The following DOCK8 variants were observed in gnomAD, a reference collection of about 807,000 sequenced individuals.
The protein encoded by DOCK8 is dedicator of cytokinesis protein 8.
In DOCK8, 141 loss-of-function variants were observed where a neutral mutation model predicts 245.6. The ratio of observed to expected loss-of-function variants is 0.57; its 90% CI spans 0.50 to 0.66. DOCK8 has a LOEUF of 0.66. Ranked by LOEUF, DOCK8 falls within the 30% of genes least tolerant of loss-of-function variation. The pLI is 0.00. For missense variants in DOCK8, 2,965 were observed against 2,603.4 expected, an observed-to-expected ratio of 1.14 and a Z score of -3.02; for synonymous variants, 1,168 against 970.2, an observed-to-expected ratio of 1.20 and a Z score of -3.79.
At chr9:300,625 T>C (rs1187923785) in intron 4 of DOCK8, among the ~76,000 whole-genome samples, 1 of 148,176 alleles carries the variant, frequency 6.7e-6, no homozygotes, top group Non-Finnish European at 1.5e-5. Flanking sequence ...AGAGAGAAGA[T>C]CGATCCAAAT....
chr9:421,323 C>T (rs1458780092), intron 32 of DOCK8, among the ~76,000 whole-genome samples: 1 of 152,150 alleles, frequency 6.6e-6, no homozygotes, highest in Non-Finnish European at 1.5e-5. Context: ...TTAATTAAAA[C>T]TCGTTGATGG....
At chr9:307,989 G>T (rs1323537054) in intron 5 of DOCK8, among the ~76,000 whole-genome samples, 1 of 152,202 alleles carries the variant, frequency 6.6e-6, no homozygotes, top group Non-Finnish European at 1.5e-5. Flanking sequence ...TCACTTATAT[G>T]TGGAAGATAA....
intron 14 of DOCK8, among the ~76,000 whole-genome samples, chr9:352,259 G>T (rs1255802657): frequency 6.6e-6 from 1 of 152,136 alleles, no homozygotes; most frequent in Non-Finnish European, 1.5e-5. Context: ...GCCATGGTCT[G>T]CAGCATTGAG....
At chr9:357,926 T>C (rs1249250586) in intron 14 of DOCK8, among the ~76,000 whole-genome samples, 1 of 152,244 alleles carries the variant, frequency 6.6e-6, no homozygotes, top group African/African-American at 2.4e-5. Context: ...CACTGGTTCC[T>C]TTGTGAATTT....
At chr9:334,447 G>T (rs1411243732) in intron 11 of DOCK8, 63 bp downstream of exon 11, 1 of 1,561,826 alleles carries the variant, frequency 6.4e-7, no homozygotes, top group Non-Finnish European at 8.7e-7. Flanking sequence ...CAGGTCCACA[G>T]CTTACTAGCG....
At chr9:332,373 A>C (rs760742104) in intron 9 of DOCK8, 25 bp from the exon 10 acceptor site, 1 of 1,538,306 alleles carries the variant, frequency 6.5e-7, no homozygotes, top group East Asian at 2.3e-5. Context: ...TATGTGCCTT[A>C]TTTTAATATT....
intron 24 of DOCK8, among the ~76,000 whole-genome samples, chr9:390,829 G>A (rs1039059548): frequency 6.6e-6 from 1 of 151,898 alleles, no homozygotes; most frequent in African/African-American, 2.4e-5. Context: ...TGTGCCTCTC[G>A]CAGTGACATC....
chr9:253,316 G>C (rs1283589212), intron 1 of DOCK8, among the ~76,000 whole-genome samples: 1 of 152,148 alleles, frequency 6.6e-6, no homozygotes, highest in Non-Finnish European at 1.5e-5. Flanking sequence ...TAAGGTGGTG[G>C]GAATTACAAG....
At chr9:442,684 G>A (rs146791396) in intron 42 of DOCK8, among the ~76,000 whole-genome samples, 1 of 151,258 alleles carries the variant, frequency 6.6e-6, no homozygotes, top group Admixed American at 6.5e-5. Flanking sequence ...TCAGTCAAAG[G>A]TGCCTCCCCG....
At chr9:225,506 G>C (rs1426642232) in intron 1 of DOCK8, among the ~76,000 whole-genome samples, 1 of 152,166 alleles carries the variant, frequency 6.6e-6, no homozygotes, top group Non-Finnish European at 1.5e-5. Flanking sequence ...AAAAGGGCCT[G>C]CTTCTGCAGA....
At chr9:274,555 G>C (rs866200048) in intron 2 of DOCK8, among the ~76,000 whole-genome samples, 3 of 147,584 alleles carry the variant, frequency 2.0e-5, no homozygotes, top group African/African-American at 5.0e-5. Context: ...ACCTGGTATC[G>C]TGTTGTAATG....
At chr9:232,797 G>C (rs968553654) in intron 1 of DOCK8, among the ~76,000 whole-genome samples, 1 of 151,758 alleles carries the variant, frequency 6.6e-6, no homozygotes, top group Non-Finnish European at 1.5e-5. Context: ...TTTCTTCTTT[G>C]TTAGTCTTGC....
Position 386,312 on chromosome 9 carries a change from C to A in DOCK8, c.2779-19C>A. ...TTCCATGGTTGGTTGACTGTTAAGC[C>A]ATGGTTTGTGTATTTTAGATCGCCG... On this transcript the variant is annotated intron_variant, in intron 22 of 47. Transcript: ENST00000432829. 1 of 1,609,368 alleles carries A rather than the reference C, an allele frequency of 6.2e-7. No individual in the cohort carries two copies. Among genetic ancestry groups the A allele is most frequent in the South Asian group, 1.1e-5 (1 of 90,880 alleles).
At chr9:244,910 G>A (rs1405712808) in intron 1 of DOCK8, among the ~76,000 whole-genome samples, 2 of 152,296 alleles carry the variant, frequency 1.3e-5, no homozygotes, top group East Asian at 3.9e-4. Flanking sequence ...CAAATTCTGG[G>A]GACAGGTGCC....
At chr9:282,179 A>G (rs1216563319) in intron 2 of DOCK8, among the ~76,000 whole-genome samples, 1 of 152,006 alleles carries the variant, frequency 6.6e-6, no homozygotes, top group African/African-American at 2.4e-5. Flanking sequence ...TTAGAGTGCA[A>G]TTCCGTGAGA....
intron 10 of DOCK8, among the ~76,000 whole-genome samples, chr9:332,778 C>T (rs983882124): frequency 2.0e-5 from 3 of 151,074 alleles, no homozygotes; most frequent in African/African-American, 7.3e-5. Context: ...CCCCTTCAGC[C>T]TCTTGAGCAG....
intron 22 of DOCK8, among the ~76,000 whole-genome samples, chr9:383,222 A>C (rs1023381281): frequency 6.6e-6 from 1 of 151,980 alleles, no homozygotes; most frequent in African/African-American, 2.4e-5. Context: ...CAACATGGTG[A>C]AACCCTGTCT....
intron 6 of DOCK8, among the ~76,000 whole-genome samples, chr9:315,230 C>G (rs778631798): frequency 6.6e-6 from 1 of 152,158 alleles, no homozygotes; most frequent in African/African-American, 2.4e-5. Flanking sequence ...CTCTTTCTCT[C>G]TCATTATCTC....
At chr9:284,286 C>G (rs962803678) in intron 2 of DOCK8, 1 of 152,270 alleles carries the variant, frequency 6.6e-6, no homozygotes, top group Admixed American at 6.5e-5. Context: ...CACCAGTGTC[C>G]TAATGCAAAC....
Sources: gnomAD v4.1 joint callset for allele counts (sites outside exome capture counted in the v4.1 genomes callset) on GRCh38, gnomAD v4.1.1 for gene constraint, MANE v1.5 for transcripts, NCBI Gene and HGNC (gene_info 2026-07-23, HGNC 2026-07-21) for gene names.